IPO7: variants seen among roughly 807,000 people sequenced by gnomAD.
The protein encoded by IPO7 is importin 7, also known as importin-7.
IPO7 carries 13 observed loss-of-function variants against 136.4 expected under a neutral mutation model. The observed-to-expected ratio is 0.10, with a 90% confidence interval of 0.06 to 0.15. IPO7 has a LOEUF of 0.15. Among genes scored for constraint, IPO7 ranks in the 10% least tolerant of loss-of-function variants. The pLI is 1.00. For missense variants in IPO7, 857 were observed against 1,240.6 expected, an observed-to-expected ratio of 0.69 and a Z score of 4.65; for synonymous variants, 403 against 404.4, an observed-to-expected ratio of 1.00 and a Z score of 0.04.
At chr11:9,439,775 G>A (rs1190207843) in intron 22 of IPO7, among the ~76,000 whole-genome samples, 12 of 151,890 alleles carry the variant, frequency 7.9e-5, no homozygotes, top group African/African-American at 1.7e-4. Context: ...GGGTTTCACC[G>A]TGTTGGCCAG....
intron 10 of IPO7, 40 bp downstream of exon 10, chr11:9,423,916 TA>T (rs1259563441): frequency 4.1e-6 from 5 of 1,210,180 alleles, no homozygotes; most frequent in Non-Finnish European, 6.1e-6. Flanking sequence ...AAAATGTCAG[TA>T]ATTAAGATTA....
At chr11:9,394,420 G>A (rs1854681201) in intron 1 of IPO7, among the ~76,000 whole-genome samples, 1 of 152,132 alleles carries the variant, frequency 6.6e-6, no homozygotes, top group Non-Finnish European at 1.5e-5. Context: ...TAGTAGAATA[G>A]GGGCCTAGGT....
At chr11:9,429,924 T>C (rs373189996) in intron 15 of IPO7, 90 bp downstream of exon 15, 3 of 912,912 alleles carry the variant, frequency 3.3e-6, no homozygotes, top group East Asian at 2.7e-5. Context: ...TGCCTTACCT[T>C]ATAGCAGTCA....
chr11:9,433,974 A>G (rs190082986), intron 18 of IPO7, 128 bp downstream of exon 18: 3 of 896,304 alleles, frequency 3.3e-6, no homozygotes, highest in Non-Finnish European at 5.0e-6. Context: ...CCCAGGCTGG[A>G]GTGCAATGGT....
chr11:9,418,979 T>C (rs1183038478), intron 6 of IPO7, among the ~76,000 whole-genome samples: 3 of 152,366 alleles, frequency 2.0e-5, no homozygotes, highest in African/African-American at 7.2e-5. Flanking sequence ...TCCCATTGTA[T>C]AGATATATCA....
intron 12 of IPO7, among the ~76,000 whole-genome samples, chr11:9,426,170 C>A (rs1211370573): frequency 4.6e-5 from 7 of 152,212 alleles, no homozygotes; most frequent in Admixed American, 1.3e-4. Flanking sequence ...TTAGCAGTCA[C>A]TCCACATATC....
chr11:9,415,527 A>C lies in IPO7; in HGVS notation c.636+1116A>C, dbSNP rs765073572. ...TCTGTATGTTCTAAATTTTTCTAGG[A>C]TAAAAGATACCCACTACAGAAATGG... On this transcript the variant is annotated intron_variant, in intron 5 of 24. Coordinates refer to ENST00000379719, the MANE Select transcript of IPO7 (RefSeq NM_006391.3). 2.0e-4 allele frequency among the ~76,000 whole-genome samples: 31 copies of C among 152,182 alleles called. 1 individual carries two copies. Among genetic ancestry groups the C allele is most frequent in the South Asian group, 1.7e-3 (8 of 4,828 alleles).
Position 9,447,747 on chromosome 11 carries a change from C to T in IPO7, c.*2553C>T, listed in dbSNP as rs954900214. On this transcript the variant is annotated 3_prime_UTR_variant, in exon 25 of 25. Transcript: ENST00000379719. ...CATAAATCACTTTTGTAAATGTAAG[C>T]TTTCTTTTTTTTTCTTGAAAAAGCC... 2.0e-5 allele frequency: 3 copies of T among 151,786 alleles called. No homozygotes were observed. The highest frequency in any genetic ancestry group is 4.4e-5 in the Non-Finnish European group (3 of 67,954). The allele number at this position is 151,786 out of a possible 1,614,324, so 9.4% of individuals were successfully genotyped here.
intron 1 of IPO7, among the ~76,000 whole-genome samples, chr11:9,398,174 A>G (rs2133725421): frequency 6.6e-6 from 1 of 152,302 alleles, no homozygotes; most frequent in Non-Finnish European, 1.5e-5. Context: ...ACATCTTCCA[A>G]GGCATTTATT....
In IPO7 at chr11:9,445,944, T is replaced by C. The variant is rs1428604774; in HGVS notation, c.*750T>C. On this transcript the variant is annotated 3_prime_UTR_variant, in exon 25 of 25. Transcript: ENST00000379719. Reference sequence around the variant, plus strand: ...AACTAGCAATTTTGTACCTGGTGACTTTGTGGTGCACTCACCTCTGATAGT... The same window carrying C: ...AACTAGCAATTTTGTACCTGGTGACCTTGTGGTGCACTCACCTCTGATAGT... 1.8e-4 allele frequency: 27 copies of C among 152,214 alleles called. No homozygotes were observed. Among genetic ancestry groups the C allele is most frequent in the Admixed American group, 1.7e-3 (26 of 15,280 alleles). The allele number at this position is 152,214 out of a possible 1,614,324, so 9.4% of individuals were successfully genotyped here.
At chr11:9,398,324 A>G (rs12272069) in intron 1 of IPO7, among the ~76,000 whole-genome samples, 7,263 of 152,308 alleles carry the variant, frequency 0.048, 241 homozygotes, top group South Asian at 0.077. Context: ...CAGGCATAAG[A>G]CCCATCTACA....
At chr11:9,422,402 AGTTTT>A (rs952266512) in intron 8 of IPO7, among the ~76,000 whole-genome samples, 14 of 151,918 alleles carry the variant, frequency 9.2e-5, no homozygotes, top group Admixed American at 7.9e-4. Flanking sequence ...CTCAAAACAC[AGTTTT>A]GTTTTTTTTT....
intron 1 of IPO7, among the ~76,000 whole-genome samples, chr11:9,392,946 C>CAA (rs34911529): frequency 0.039 from 3,871 of 100,018 alleles, 193 homozygotes; most frequent in African/African-American, 0.11. Flanking sequence ...GACTCTGTCT[C>CAA]AAAAAAAAAA....
intron 1 of IPO7, among the ~76,000 whole-genome samples, chr11:9,390,316 A>G (rs1380789056): frequency 6.6e-6 from 1 of 150,636 alleles, no homozygotes; most frequent in African/African-American, 2.4e-5. Context: ...TTTAACTCAC[A>G]CTACCCTGGA....
At chr11:9,389,324 C>G (rs1854596278) in intron 1 of IPO7, among the ~76,000 whole-genome samples, 1 of 152,188 alleles carries the variant, frequency 6.6e-6, no homozygotes, top group Admixed American at 6.5e-5. Context: ...GCTGAGATTA[C>G]AGGCATGAGC....
At chr11:9,406,162 C>T (rs910497874) in intron 2 of IPO7, among the ~76,000 whole-genome samples, 2 of 141,854 alleles carry the variant, frequency 1.4e-5, no homozygotes, top group Non-Finnish European at 3.0e-5. Context: ...TGTGTTTCCC[C>T]GGCTGGTTTC....
chr11:9,432,342 C>G (rs1415711464), intron 16 of IPO7, among the ~76,000 whole-genome samples: 1 of 151,980 alleles, frequency 6.6e-6, no homozygotes, highest in Non-Finnish European at 1.5e-5. Context: ...ACTGGGAGTG[C>G]AGGCGCGCAC....
chr11:9,438,054 T>TG (rs767049374), intron 21 of IPO7, 26 bp from the exon 22 acceptor site: 67 of 479,632 alleles, frequency 1.4e-4, no homozygotes, highest in African/African-American at 7.2e-4. Context: ...AGTTTTTTTT[T>TG]TTTTTTTTTT....
Position 9,424,964 on chromosome 11 carries a change from T to C in IPO7, c.1192T>C (p.Phe398Leu). ...TACCACTGCTGCCCAGACACTTTTG[T>C]TTACAGCCTGTAGTAAGAGGAAAGA... ...SPTTAAQTLL[F>L]TACSKRKEVL... Residue 398 changes from phenylalanine to leucine, a missense_variant, in exon 11 of 25, where the codon TTT becomes CTT. Coordinates refer to ENST00000379719, the MANE Select transcript of IPO7 (RefSeq NM_006391.3). The C allele has an allele frequency of 6.3e-7, 1 of 1,588,204 alleles. No homozygotes were observed. The highest frequency in any genetic ancestry group is 8.6e-7 in the Non-Finnish European group (1 of 1,168,808).
Sources: allele counts gnomAD v4.1 joint callset (sites outside exome capture counted in the v4.1 genomes callset), GRCh38; gene constraint gnomAD v4.1.1; transcripts MANE v1.5; gene names NCBI Gene and HGNC (gene_info 2026-07-23, HGNC 2026-07-21).